The following FBXW8 variants were observed in gnomAD, a reference collection of about 807,000 sequenced individuals.
FBXW8 encodes the protein F-box/WD repeat-containing protein 8.
FBXW8 carries 57 observed loss-of-function variants against 65.3 expected under a neutral mutation model. The ratio of observed to expected loss-of-function variants is 0.87; its 90% CI spans 0.71 to 1.09. The LOEUF (loss-of-function observed/expected upper bound fraction) is 1.09. Ranked by LOEUF, FBXW8 falls within the 50% of genes least tolerant of loss-of-function variation. The pLI is 0.00. For missense variants in FBXW8, 777 were observed against 814.8 expected, an observed-to-expected ratio of 0.95 and a Z score of 0.57; for synonymous variants, 308 against 330.2, an observed-to-expected ratio of 0.93 and a Z score of 0.73.
intron 5 of FBXW8, among the ~76,000 whole-genome samples, chr12:116,970,284 G>T (rs115001362): frequency 6.6e-6 from 1 of 152,266 alleles, no homozygotes; most frequent in African/African-American, 2.4e-5. Flanking sequence ...GGAGAGACGC[G>T]ATCTGGTGCA....
At chr12:116,924,371 CA>C (rs1424641902) in intron 1 of FBXW8, among the ~76,000 whole-genome samples, 1 of 151,876 alleles carries the variant, frequency 6.6e-6, no homozygotes, top group Non-Finnish European at 1.5e-5. Context: ...GTATATTGAC[CA>C]AATCAGGGTA....
At chr12:117,021,065 C>G (rs1415433414) in intron 8 of FBXW8, among the ~76,000 whole-genome samples, 1 of 152,210 alleles carries the variant, frequency 6.6e-6, no homozygotes, top group Non-Finnish European at 1.5e-5. Flanking sequence ...AGAAGGATTT[C>G]TGCTCGCCTC....
At chr12:117,016,073 A>C (rs535440136) in intron 8 of FBXW8, among the ~76,000 whole-genome samples, 1 of 152,322 alleles carries the variant, frequency 6.6e-6, no homozygotes, top group South Asian at 2.1e-4. Flanking sequence ...TCTTTATATC[A>C]ATTAGTGGAC....
intron 2 of FBXW8, among the ~76,000 whole-genome samples, chr12:116,940,112 GAC>G (rs1882456964): frequency 6.6e-6 from 1 of 152,248 alleles, no homozygotes; most frequent in African/African-American, 2.4e-5. Flanking sequence ...AGTGTGGGAT[GAC>G]AGTGTGGTTA....
At position 116,910,989 on chromosome 12, in the gene FBXW8, T is replaced by A; in HGVS notation, c.-49T>A. On this transcript the variant is annotated 5_prime_UTR_variant, in exon 1 of 11. Transcript: ENST00000652555. ...CACTTCCCTGGGCGGGACTGTCTCGTGGCACCCGGTGGAACCGAGGAGAAC... is the reference window on the plus strand; with the variant it reads ...CACTTCCCTGGGCGGGACTGTCTCGAGGCACCCGGTGGAACCGAGGAGAAC... 7.4e-7 allele frequency: 1 copy of A among 1,342,868 alleles called. No individual in the cohort carries two copies. The highest frequency in any genetic ancestry group is 9.5e-7 in the Non-Finnish European group (1 of 1,051,692). 83.2% of individuals were successfully genotyped at this position (1,342,868 alleles called of 1,614,324 possible).
intron 7 of FBXW8, among the ~76,000 whole-genome samples, chr12:117,003,672 C>T (rs1395858350): frequency 2.0e-5 from 3 of 152,198 alleles, no homozygotes; most frequent in African/African-American, 4.8e-5. Context: ...ACAGCACCTT[C>T]ATTTCATCCT....
At chr12:116,990,382 T>C (rs1474911002) in intron 7 of FBXW8, among the ~76,000 whole-genome samples, 1 of 152,220 alleles carries the variant, frequency 6.6e-6, no homozygotes, top group African/African-American at 2.4e-5. Context: ...TCCCAGGAAG[T>C]GGGGAAGGAG....
intron 5 of FBXW8, among the ~76,000 whole-genome samples, chr12:116,972,374 T>C (rs1449644777): frequency 6.6e-6 from 1 of 152,244 alleles, no homozygotes; most frequent in East Asian, 1.9e-4. Context: ...TCCCTTTCAC[T>C]ATGTGCAGTT....
At chr12:116,920,916 A>T (rs1880847673) in intron 1 of FBXW8, among the ~76,000 whole-genome samples, 1 of 152,110 alleles carries the variant, frequency 6.6e-6, no homozygotes, top group South Asian at 2.1e-4. Context: ...CCCCTCTGGG[A>T]CCTGAAGCTT....
intron 1 of FBXW8, among the ~76,000 whole-genome samples, chr12:116,914,690 A>G (rs552853488): frequency 2.6e-5 from 4 of 152,240 alleles, no homozygotes; most frequent in African/African-American, 9.6e-5. Context: ...AGCCTAACCA[A>G]CAAGGAGAAA....
At chr12:116,944,809 C>T (rs1194011054) in intron 2 of FBXW8, among the ~76,000 whole-genome samples, 5 of 152,170 alleles carry the variant, frequency 3.3e-5, no homozygotes, top group Non-Finnish European at 7.3e-5. Flanking sequence ...ATCTTACAGT[C>T]CTGGATAATG....
In FBXW8 at chr12:116,911,055, G is replaced by A. The variant is rs981401436; in HGVS notation, c.18G>A (p.Leu6=). 8 of 1,455,840 alleles carry A rather than the reference G, an allele frequency of 5.5e-6. No homozygotes were observed. The highest frequency in any genetic ancestry group is 7.2e-6 in the Non-Finnish European group (8 of 1,112,236). 90.2% of individuals were successfully genotyped at this position (1,455,840 alleles called of 1,614,324 possible). The change falls in exon 1 of 11, where the codon CTG becomes CTA. Residue 6 remains leucine, a synonymous_variant. Coordinates refer to ENST00000652555, the MANE Select transcript of FBXW8 (RefSeq NM_153348.3). MDDYS[L]DEFRRRWQEE... ...CGGCGAATATGGACGACTACAGCCT[G>A]GATGAGTTCCGTCGGCGCTGGCAGG... is the stretch of plus-strand genomic sequence containing the variant.
At chr12:116,940,645 G>T (rs1882505674) in intron 2 of FBXW8, among the ~76,000 whole-genome samples, 1 of 152,068 alleles carries the variant, frequency 6.6e-6, no homozygotes. Context: ...TCTTTTGTCT[G>T]CAGGGTGGCG....
intron 2 of FBXW8, among the ~76,000 whole-genome samples, chr12:116,942,971 G>A (rs1368806237): frequency 6.6e-6 from 1 of 151,714 alleles, no homozygotes; most frequent in African/African-American, 2.4e-5. Context: ...TAGAGATGGG[G>A]TTTCATCGTG....
At chr12:116,991,804 T>C (rs761945493) in intron 7 of FBXW8, among the ~76,000 whole-genome samples, 1 of 152,254 alleles carries the variant, frequency 6.6e-6, no homozygotes, top group South Asian at 2.1e-4. Context: ...AATGTTGAAA[T>C]TGACTTTTAG....
intron 9 of FBXW8, among the ~76,000 whole-genome samples, chr12:117,025,214 G>A (rs561280807): frequency 1.3e-5 from 2 of 152,316 alleles, no homozygotes; most frequent in South Asian, 4.1e-4. Context: ...GGCCAGACAC[G>A]TGGCTCACCT....
chr12:117,021,080 G>A (rs747461065), intron 8 of FBXW8, among the ~76,000 whole-genome samples: 4 of 152,222 alleles, frequency 2.6e-5, no homozygotes, highest in Non-Finnish European at 5.9e-5. Flanking sequence ...CGCCTCAGCT[G>A]TCTAGGAGTA....
At chr12:116,954,200 C>T (rs2137367003) in intron 4 of FBXW8, among the ~76,000 whole-genome samples, 1 of 151,906 alleles carries the variant, frequency 6.6e-6, no homozygotes, top group South Asian at 2.1e-4. Flanking sequence ...GAGAAAGCCA[C>T]TCAAATTCTA....
intron 8 of FBXW8, among the ~76,000 whole-genome samples, chr12:117,019,810 C>T (rs1303315270): frequency 2.6e-5 from 4 of 152,148 alleles, no homozygotes; most frequent in Admixed American, 2.0e-4. Context: ...ACACAAAAGC[C>T]GCCTTTATTG....
Sources: gnomAD v4.1 joint callset for allele counts (sites outside exome capture counted in the v4.1 genomes callset) on GRCh38, gnomAD v4.1.1 for gene constraint, MANE v1.5 for transcripts, NCBI Gene and HGNC (gene_info 2026-07-23, HGNC 2026-07-21) for gene names.